The following NCAM2 variants were observed in gnomAD, a reference collection of about 807,000 sequenced individuals.
NCAM2 encodes N-CAM-2.
A neutral mutation model predicts 98.1 loss-of-function variants in NCAM2; 30 were observed. The ratio of observed to expected loss-of-function variants is 0.31; its 90% CI spans 0.23 to 0.41. The LOEUF (loss-of-function observed/expected upper bound fraction) is 0.41, where lower values mean the gene tolerates loss of function less well. Ranked by LOEUF, NCAM2 falls within the 10% of genes least tolerant of loss-of-function variation. The pLI is 1.00. For synonymous variants in NCAM2, 368 were observed against 342.4 expected (o/e 1.07, Z -0.83); for missense variants, 867 against 1,005.8 (o/e 0.86, Z 1.87).
intron 1 of NCAM2, among the ~76,000 whole-genome samples, chr21:21,280,169 CGT>C (rs3831437): frequency 0.72 from 107,844 of 150,414 alleles, 38,716 homozygotes; most frequent in South Asian, 0.79. Context: ...AGTTAATTTG[CGT>C]GTGTGTGTGT....
At chr21:21,439,856 G>T (rs898081586) in intron 12 of NCAM2, among the ~76,000 whole-genome samples, 3 of 152,122 alleles carry the variant, frequency 2.0e-5, no homozygotes, top group Admixed American at 1.3e-4. Flanking sequence ...TGTACAAAAT[G>T]TATTCATTTA....
intron 15 of NCAM2, among the ~76,000 whole-genome samples, chr21:21,482,879 G>T (rs1318228415): frequency 6.6e-6 from 1 of 151,756 alleles, no homozygotes; most frequent in East Asian, 1.9e-4. Context: ...GAATATTCAT[G>T]CAGCATAACT....
chr21:21,205,214 ATTTG>A (rs2069391559), intron 1 of NCAM2, among the ~76,000 whole-genome samples: 1 of 152,180 alleles, frequency 6.6e-6, no homozygotes, highest in South Asian at 2.1e-4. Context: ...CAAACTGAAC[ATTTG>A]TTTATTTCCT....
chr21:21,368,299 T>C (rs959649811), intron 8 of NCAM2, among the ~76,000 whole-genome samples: 1 of 151,798 alleles, frequency 6.6e-6, no homozygotes, highest in Non-Finnish European at 1.5e-5. Flanking sequence ...CATCAACACT[T>C]TCTCATTTGG....
intron 9 of NCAM2, among the ~76,000 whole-genome samples, chr21:21,396,257 C>A (rs1335780205): frequency 6.6e-6 from 1 of 152,018 alleles, no homozygotes; most frequent in East Asian, 1.9e-4. Flanking sequence ...ATGTAAAATT[C>A]TCAACATTAC....
chr21:21,074,357 TATTACATTTATTG>T (rs1480738082), intron 1 of NCAM2, among the ~76,000 whole-genome samples: 1 of 151,742 alleles, frequency 6.6e-6, no homozygotes, highest in African/African-American at 2.4e-5. Flanking sequence ...TTATTACATT[TATTACATTTATTG>T]ATTAACATTT....
intron 1 of NCAM2, among the ~76,000 whole-genome samples, chr21:21,042,845 A>T (rs1163964047): frequency 6.6e-6 from 1 of 152,234 alleles, no homozygotes; most frequent in South Asian, 2.1e-4. Context: ...AAATAACAAC[A>T]TAATTTATTT....
intron 1 of NCAM2, among the ~76,000 whole-genome samples, chr21:21,029,068 G>A (rs187032617): frequency 1.5e-4 from 23 of 152,254 alleles, no homozygotes; most frequent in Admixed American, 4.6e-4. Flanking sequence ...TGAGTAACAT[G>A]TTTTAGTGTA....
chr21:21,364,790 G>A (rs1258795343), intron 8 of NCAM2, among the ~76,000 whole-genome samples: 2 of 151,974 alleles, frequency 1.3e-5, no homozygotes, highest in African/African-American at 4.8e-5. Flanking sequence ...GTGACAAAAT[G>A]TGGTCACTAG....
At chr21:21,229,537 C>T (rs1425087462) in intron 1 of NCAM2, among the ~76,000 whole-genome samples, 2 of 151,480 alleles carry the variant, frequency 1.3e-5, no homozygotes, top group African/African-American at 2.4e-5. Flanking sequence ...TGGCTCAGCT[C>T]TTATAGATGA....
At chr21:21,115,401 A>T (rs2066534463) in intron 1 of NCAM2, among the ~76,000 whole-genome samples, 1 of 152,180 alleles carries the variant, frequency 6.6e-6, no homozygotes. Flanking sequence ...GAATTAGTTA[A>T]GTTAAATAAA....
chr21:21,399,842 C>A (rs961080100), intron 9 of NCAM2, among the ~76,000 whole-genome samples: 4 of 152,078 alleles, frequency 2.6e-5, no homozygotes, highest in Non-Finnish European at 4.4e-5. Flanking sequence ...CAGTTACCAA[C>A]CACAAATAAA....
chr21:21,290,995 C>A (rs2073270436), intron 4 of NCAM2, among the ~76,000 whole-genome samples: 1 of 25,160 alleles, frequency 4.0e-5, no homozygotes, highest in Admixed American at 5.6e-4. Context: ...GTTTTCCTAA[C>A]CTCATAATCA....
chr21:21,235,880 A>G (rs980513563), intron 1 of NCAM2, among the ~76,000 whole-genome samples: 2 of 152,000 alleles, frequency 1.3e-5, no homozygotes, highest in Non-Finnish European at 1.5e-5. Flanking sequence ...AGAACCATCT[A>G]TTGTCACTAT....
intron 6 of NCAM2, among the ~76,000 whole-genome samples, chr21:21,330,311 CCTG>C (rs1298398079): frequency 6.6e-6 from 1 of 151,862 alleles, no homozygotes; most frequent in Non-Finnish European, 1.5e-5. Flanking sequence ...GTAATTGCAC[CCTG>C]CTAATTTTGA....
intron 11 of NCAM2, among the ~76,000 whole-genome samples, chr21:21,430,733 C>A (rs2077317006): frequency 6.6e-6 from 1 of 151,970 alleles, no homozygotes; most frequent in Admixed American, 6.6e-5. Context: ...ACCCTTGACA[C>A]ATGGGGATTA....
intron 16 of NCAM2, among the ~76,000 whole-genome samples, chr21:21,512,945 C>G (rs939813271): frequency 6.6e-6 from 1 of 151,992 alleles, no homozygotes; most frequent in Non-Finnish European, 1.5e-5. Flanking sequence ...TATCCTGAAA[C>G]ATTACTGAAT....
intron 1 of NCAM2, among the ~76,000 whole-genome samples, chr21:21,085,935 G>A (rs2065898019): frequency 6.6e-6 from 1 of 152,064 alleles, no homozygotes; most frequent in African/African-American, 2.4e-5. Context: ...AATCATAGGA[G>A]GAAATAAATT....
intron 14 of NCAM2, among the ~76,000 whole-genome samples, chr21:21,476,412 A>T (rs980702922): frequency 6.6e-6 from 1 of 152,070 alleles, no homozygotes; most frequent in African/African-American, 2.4e-5. Context: ...TTTTCCAAAA[A>T]CCTGACAGAA....
Sources: allele counts gnomAD v4.1 joint callset (sites outside exome capture counted in the v4.1 genomes callset), GRCh38; gene constraint gnomAD v4.1.1; transcripts MANE v1.5; gene names NCBI Gene and HGNC (gene_info 2026-07-23, HGNC 2026-07-21).